UIMC1: variants seen among roughly 807,000 people sequenced by gnomAD.
The protein encoded by UIMC1 is BRCA1-A complex subunit RAP80.
UIMC1 carries 42 observed loss-of-function variants against 84.9 expected under a neutral mutation model. The ratio of observed to expected loss-of-function variants is 0.49; its 90% confidence interval spans 0.39 to 0.64. The LOEUF is 0.64. Among genes scored for constraint, UIMC1 ranks in the 30% least tolerant of loss-of-function variants. UIMC1 has a pLI of 0.00. For missense variants in UIMC1, 825 were observed against 847.6 expected, an observed-to-expected ratio of 0.97 and a Z score of 0.33; for synonymous variants, 281 against 293.0, an observed-to-expected ratio of 0.96 and a Z score of 0.42.
rs1027055066 is a variant in UIMC1, at chr5:176,956,259, T to C, written c.1263-224A>G. ...CTTCAGTTCCAGTGAAATCACTGAA[T>C]GAAAACAAATTCCCTTTTGGAGTTT... On this transcript the variant is annotated intron_variant, in intron 7 of 14. Coordinates refer to ENST00000511320, the MANE Select transcript of UIMC1 (RefSeq NM_001199298.2). Among the ~76,000 whole-genome samples, 7 of 152,328 alleles carry C rather than the reference T, an allele frequency of 4.6e-5. No individual in the cohort carries two copies. In the East Asian group the frequency reaches 7.7e-4, roughly 17 times the overall value.
chr5:176,943,845 AAGTACTTGTGTAAAAC>A (rs1463740346), intron 9 of UIMC1, among the ~76,000 whole-genome samples: 1 of 152,226 alleles, frequency 6.6e-6, no homozygotes, highest in Non-Finnish European at 1.5e-5. Context: ...CACGTGAGAA[AAGTACTTGTGTAAAAC>A]AGTAAAGCAA....
intron 10 of UIMC1, among the ~76,000 whole-genome samples, chr5:176,938,803 A>T (rs1764046288): frequency 6.6e-6 from 1 of 152,208 alleles, no homozygotes. Context: ...ATTGTCAGGG[A>T]CATTTACTTG....
At chr5:176,948,237 C>T (rs1287445299) in intron 9 of UIMC1, among the ~76,000 whole-genome samples, 1 of 152,152 alleles carries the variant, frequency 6.6e-6, no homozygotes, top group East Asian at 1.9e-4. Flanking sequence ...TGACTATTGT[C>T]AGAAATCAAG....
At chr5:176,946,056 C>A (rs920562239) in intron 9 of UIMC1, among the ~76,000 whole-genome samples, 3 of 152,110 alleles carry the variant, frequency 2.0e-5, no homozygotes, top group Non-Finnish European at 4.4e-5. Context: ...AATCAAATGG[C>A]CCTAAATCCC....
intron 1 of UIMC1, among the ~76,000 whole-genome samples, chr5:176,989,708 G>A (rs1326604607): frequency 1.3e-5 from 2 of 151,400 alleles, no homozygotes; most frequent in African/African-American, 2.4e-5. Context: ...ACAGTTAACA[G>A]AATATTTATT....
intron 14 of UIMC1, 113 bp from the exon 15 acceptor site, chr5:176,905,605 C>A: frequency 2.1e-6 from 2 of 974,920 alleles, no homozygotes; most frequent in Non-Finnish European, 3.0e-6. Context: ...TACAAATAAT[C>A]TTTGTAATAA....
rs147601322 is a variant in UIMC1 at position 176,977,736 on chromosome 5, C to T, written c.148-2256G>A. On this transcript the variant is annotated intron_variant, in intron 2 of 14. Transcript: ENST00000511320. ...ACCAGCCTGGCCAACATGGTAAAAC[C>T]CCCTCTCTACTAAAAATACAAAAAT... Among the ~76,000 whole-genome samples the T allele has an allele frequency of 9.1e-3, 1,382 of 151,748 alleles. 7 individuals are homozygous for T. Among genetic ancestry groups the T allele is most frequent in the South Asian group, 0.025 (121 of 4,802 alleles).
chr5:176,998,593 C>G (rs183478874), intron 1 of UIMC1, among the ~76,000 whole-genome samples: 3 of 150,682 alleles, frequency 2.0e-5, no homozygotes, highest in Admixed American at 1.3e-4. Flanking sequence ...CATGGAGAAA[C>G]CCTGTCTCTA....
At chr5:177,003,235 T>C (rs965149139) in intron 1 of UIMC1, among the ~76,000 whole-genome samples, 2 of 152,192 alleles carry the variant, frequency 1.3e-5, no homozygotes, top group Non-Finnish European at 2.9e-5. Context: ...ACCCTTGATA[T>C]TTTATATCCC....
At chr5:176,913,410 T>G (rs74693529) in intron 10 of UIMC1, among the ~76,000 whole-genome samples, 1 of 152,248 alleles carries the variant, frequency 6.6e-6, no homozygotes. Context: ...CCTATACTTA[T>G]GTTTTACCTT....
At chr5:177,015,477 C>T (rs1775650557) in intron 1 of UIMC1, among the ~76,000 whole-genome samples, 1 of 152,218 alleles carries the variant, frequency 6.6e-6, no homozygotes, top group Non-Finnish European at 1.5e-5. Context: ...ATCCCTCCAG[C>T]TCCAAGGGTG....
intron 10 of UIMC1, 142 bp downstream of exon 10, chr5:176,943,193 A>T: frequency 9.7e-7 from 1 of 1,032,486 alleles, no homozygotes; most frequent in Non-Finnish European, 1.4e-6. Context: ...TACTAGAAAA[A>T]TAACTAGATA....
At chr5:177,018,872 G>A in intron 1 of UIMC1, among the ~76,000 whole-genome samples, 1 of 152,138 alleles carries the variant, frequency 6.6e-6, no homozygotes, top group South Asian at 2.1e-4. Flanking sequence ...CCAATAATAT[G>A]CAAAGCAACT....
At position 176,951,369 on chromosome 5, in the gene UIMC1, A is replaced by AC. The variant is rs1013550635; in HGVS notation, c.1443+104dup. 4 of 799,528 alleles carry AC rather than the reference A, an allele frequency of 5.0e-6. No homozygotes were observed. The African/African-American group carries it at 7.3e-5, about 15-fold the overall frequency. 49.5% of individuals were successfully genotyped at this position (799,528 alleles called of 1,614,324 possible). A position where few individuals can be genotyped will look rare whatever the true frequency, so the allele number is the denominator to read the frequency against. ...TAACATAAGGGCCCCCAAAACTAAAACCCCCTGCCACCTAAATCTTTTCAG... is the reference window on the plus strand; with the variant it reads ...TAACATAAGGGCCCCCAAAACTAAAACCCCCCTGCCACCTAAATCTTTTCAG... On this transcript the variant is annotated intron_variant, in intron 9 of 14. Coordinates refer to ENST00000511320, the MANE Select transcript of UIMC1 (RefSeq NM_001199298.2).
chr5:177,013,361 A>AACACACACAC (rs6149367), intron 1 of UIMC1, among the ~76,000 whole-genome samples: 2,159 of 137,766 alleles, frequency 0.016, 24 homozygotes, highest in Non-Finnish European at 0.018. Context: ...ACTGCATCCA[A>AACACACACAC]ACACACACAC....
intron 1 of UIMC1, among the ~76,000 whole-genome samples, chr5:177,014,660 T>C (rs971807389): frequency 1.3e-5 from 2 of 151,990 alleles, no homozygotes; most frequent in African/African-American, 4.8e-5. Context: ...ATCACAGTAC[T>C]TCACTCCAGC....
At chr5:176,959,712 TCTCAAAA>T (rs1767081836) in intron 6 of UIMC1, among the ~76,000 whole-genome samples, 1 of 102,554 alleles carries the variant, frequency 9.8e-6, no homozygotes, top group South Asian at 3.5e-4. Flanking sequence ...CGAGACTCCG[TCTCAAAA>T]AAAAAAAAAA....
intron 1 of UIMC1, chr5:177,022,447 A>T (rs1775909985): frequency 5.4e-6 from 2 of 369,962 alleles, no homozygotes; most frequent in East Asian, 8.9e-5. Flanking sequence ...ACGAAATGAA[A>T]AGTATCAAGG....
intron 10 of UIMC1, among the ~76,000 whole-genome samples, chr5:176,932,762 A>G (rs1328182912): frequency 6.6e-6 from 1 of 150,966 alleles, no homozygotes; most frequent in Non-Finnish European, 1.5e-5. Flanking sequence ...TAAACCTAAT[A>G]CTTTGGGCAT....
Sources: gnomAD v4.1 joint callset for allele counts (sites outside exome capture counted in the v4.1 genomes callset) on GRCh38, gnomAD v4.1.1 for gene constraint, MANE v1.5 for transcripts, NCBI Gene and HGNC (gene_info 2026-07-23, HGNC 2026-07-21) for gene names.